Variants in SCN9A observed in about 807,000 individuals in gnomAD.
SCN9A encodes sodium voltage-gated channel alpha subunit 9, also known as sodium channel protein type 9 subunit alpha.
Under a neutral mutation model 187.0 loss-of-function variants are expected in SCN9A, and 131 were observed. The ratio of observed to expected loss-of-function variants is 0.70; its 90% confidence interval spans 0.61 to 0.81. SCN9A has a LOEUF of 0.81. Among genes scored for constraint, SCN9A ranks in the 30% least tolerant of loss-of-function variants. The probability of loss-of-function intolerance (pLI) is 0.00; values close to 1 mark genes in which losing one functional copy is unlikely to be tolerated. For missense variants in SCN9A, 2,252 were observed against 2,396.6 expected, an observed-to-expected ratio of 0.94 and a Z score of 1.26; for synonymous variants, 809 against 808.6, an observed-to-expected ratio of 1.00 and a Z score of -0.01.
At chr2:166,250,889 A>G (rs931972540) in intron 18 of SCN9A, among the ~76,000 whole-genome samples, 16 of 152,058 alleles carry the variant, frequency 1.1e-4, no homozygotes, top group African/African-American at 3.9e-4. Flanking sequence ...CTAGCAAGGA[A>G]AACTTTAAGG....
rs565318120 is a variant in SCN9A at position 166,364,063 on chromosome 2, A to T, written c.-51+11634T>A. On this transcript the variant is annotated intron_variant, in intron 1 of 26. Transcript: ENST00000642356. Reference sequence around the variant, plus strand: ...GACATTTTTCCAAAGAAAGTCAATCAGTACATGGGAAGATGCTCAACATCA... The same window carrying T: ...GACATTTTTCCAAAGAAAGTCAATCTGTACATGGGAAGATGCTCAACATCA... 2.0e-5 allele frequency among the ~76,000 whole-genome samples: 3 copies of T among 152,182 alleles called. No homozygotes were observed. In the South Asian group the frequency reaches 6.2e-4, roughly 32 times the overall value.
rs970261148 is a variant in SCN9A, at chr2:166,227,703, C to T, written c.4227G>A (p.Thr1409=). The T allele has an allele frequency of 3.3e-6, 5 of 1,519,340 alleles. No individual in the cohort carries two copies. The highest frequency in any genetic ancestry group is 2.8e-5 in the African/African-American group (2 of 72,692). The allele number at this position is 1,519,340 out of a possible 1,614,324, so 94.1% of individuals were successfully genotyped here. ...AATCCACTGCTGCATACATAATAAT[C>T]GTCCATCCCTTAAAAGTTGCCTTTA... ...LLQVATFKGW[T]IIMYAAVDSV... is the part of the protein sequence containing the mutation. Residue 1409 remains threonine (T), a synonymous_variant, in exon 23 of 27, where the codon ACG becomes ACA. Coordinates refer to ENST00000642356, the MANE Select transcript of SCN9A (RefSeq NM_001365536.1).
chr2:166,255,518 G>A (rs992635443), intron 17 of SCN9A, among the ~76,000 whole-genome samples: 3 of 151,340 alleles, frequency 2.0e-5, no homozygotes, highest in Non-Finnish European at 4.4e-5. Flanking sequence ...TGAGGTAGGA[G>A]TGTCTAATGA....
chr2:166,368,153 T>C (rs1344409379), intron 1 of SCN9A, among the ~76,000 whole-genome samples: 1 of 152,170 alleles, frequency 6.6e-6, no homozygotes, highest in African/African-American at 2.4e-5. Context: ...AAAGGTTAGG[T>C]AATTTCTGAG....
intron 1 of SCN9A, among the ~76,000 whole-genome samples, chr2:166,360,236 GA>G (rs79741845): frequency 0.025 from 1,114 of 43,848 alleles, 18 homozygotes; most frequent in Non-Finnish European, 0.037. Context: ...AAAAAAAAAA[GA>G]AAAAAAAAAA....
At chr2:166,282,851 A>G (rs1697555319) in intron 12 of SCN9A, among the ~76,000 whole-genome samples, 1 of 152,152 alleles carries the variant, frequency 6.6e-6, no homozygotes, top group Admixed American at 6.5e-5. Context: ...AAAAGTCTCG[A>G]AAACCAGGTT....
At chr2:166,350,848 C>A (rs1013339631) in intron 1 of SCN9A, among the ~76,000 whole-genome samples, 2 of 152,124 alleles carry the variant, frequency 1.3e-5, no homozygotes, top group South Asian at 2.1e-4. Flanking sequence ...ATGTGAAGGG[C>A]AGTATATTAT....
At position 166,286,386 on chromosome 2, in the gene SCN9A, C is replaced by T; in HGVS notation, c.1552G>A (p.Val518Ile). The T allele has an allele frequency of 1.9e-6, 3 of 1,613,786 alleles. No individual in the cohort carries two copies. The highest frequency in any genetic ancestry group is 1.1e-5 in the South Asian group (1 of 90,986). Residue 518 changes from valine to isoleucine, a missense_variant, in exon 11 of 27, where the codon GTC becomes ATC. Physicochemically the swap from Val to Ile is conservative, Grantham distance 29. Coordinates refer to ENST00000642356, the MANE Select transcript of SCN9A (RefSeq NM_001365536.1). ...TCATGTGCTCGCCTATGCCCTTCGA[C>T]ACCAAGGTGGAAACTTTTTCTTCTG... ...SIRRKSFHLG[V>I]EGHRRAHEKR...
chr2:166,253,588 T>A (rs1696141936), intron 17 of SCN9A, among the ~76,000 whole-genome samples: 1 of 151,866 alleles, frequency 6.6e-6, no homozygotes, highest in Non-Finnish European at 1.5e-5. Flanking sequence ...AAACTTATAA[T>A]TACTAATATG....
chr2:166,195,261 A>G lies in SCN9A; in HGVS notation c.*3411T>C, dbSNP rs1693213411. 6.6e-6 allele frequency: 1 copy of G among 152,214 alleles called. No individual in the cohort carries two copies. Among genetic ancestry groups the G allele is most frequent in the African/African-American group, 2.4e-5 (1 of 41,454 alleles). 9.4% of individuals were successfully genotyped at this position (152,214 alleles called of 1,614,324 possible). A position where few individuals can be genotyped will look rare whatever the true frequency, so the allele number is the denominator to read the frequency against. ...CAAGTATAACTACAATATAACTACA[A>G]TATAATTTATGGCAAACTCAAACAT... is the stretch of plus-strand genomic sequence containing the variant. On this transcript the variant is annotated 3_prime_UTR_variant, in exon 27 of 27. Coordinates refer to ENST00000642356, the MANE Select transcript of SCN9A (RefSeq NM_001365536.1).
intron 1 of SCN9A, among the ~76,000 whole-genome samples, chr2:166,369,691 G>T (rs529545926): frequency 1.3e-5 from 2 of 152,026 alleles, no homozygotes; most frequent in African/African-American, 4.8e-5. Flanking sequence ...TCAGATAAAG[G>T]CATCACTTAC....
intron 17 of SCN9A, among the ~76,000 whole-genome samples, chr2:166,252,528 T>C (rs1232222559): frequency 6.6e-6 from 1 of 151,850 alleles, no homozygotes; most frequent in Admixed American, 6.6e-5. Flanking sequence ...ACACCACCCA[T>C]TTTGTATATA....
chr2:166,311,536 G>A lies in SCN9A; in HGVS notation c.221C>T (p.Pro74Leu), dbSNP rs201992546. ...ATAGTAGGGGTCCAAGTCCTCCAGG[G>A]GCTCTGACACCATGCCGGGAGGAAT... Reference protein sequence around the residue: ...GDIPPGMVSEPLEDLDPYYAD... With the variant: ...GDIPPGMVSELLEDLDPYYAD... Residue 74 changes from proline to leucine, a missense_variant, in exon 2 of 27, where the codon CCC (proline) becomes CTC (leucine). Pro to Leu is a moderately conservative substitution (Grantham distance 98). Around this residue, in one of 7 missense-constraint regions of SCN9A, gnomAD observed 1,013 missense variants for 997.4 expected, o/e 1.02. Coordinates refer to ENST00000642356, the MANE Select transcript of SCN9A (RefSeq NM_001365536.1). 6.2e-7 allele frequency: 1 copy of A among 1,611,422 alleles called. No individual in the cohort carries two copies. Among genetic ancestry groups the A allele is most frequent in the Non-Finnish European group, 8.5e-7 (1 of 1,178,904 alleles).
At chr2:166,227,821 G>A in intron 22 of SCN9A, 98 bp from the exon 23 acceptor site, 1 of 699,464 alleles carries the variant, frequency 1.4e-6, no homozygotes. Context: ...CAATTATTAA[G>A]TAATACTAGT....
At position 166,375,054 on chromosome 2, in the gene SCN9A, T is replaced by C. The variant is rs74336612; in HGVS notation, c.-51+643A>G. Among the ~76,000 whole-genome samples, 1,285 of 152,308 alleles carry C rather than the reference T, an allele frequency of 8.4e-3. 25 individuals are homozygous for C. The highest frequency in any genetic ancestry group is 0.029 in the African/African-American group (1,211 of 41,558). ...ATATCCATTTTTTCCTAAAAGTAAATGAGTTTCCCAAGTTGAATTCGATAA... is the reference window on the plus strand; with the variant it reads ...ATATCCATTTTTTCCTAAAAGTAAACGAGTTTCCCAAGTTGAATTCGATAA... On this transcript the variant is annotated intron_variant, in intron 1 of 26. Coordinates refer to ENST00000642356, the MANE Select transcript of SCN9A (RefSeq NM_001365536.1).
At chr2:166,209,093 T>G (rs1232806906) in intron 24 of SCN9A, among the ~76,000 whole-genome samples, 4 of 152,148 alleles carry the variant, frequency 2.6e-5, no homozygotes, top group African/African-American at 9.7e-5. Context: ...GACGGTAGAT[T>G]AGCTGTTTGA....
intron 1 of SCN9A, among the ~76,000 whole-genome samples, chr2:166,364,219 G>A (rs893370601): frequency 6.6e-6 from 1 of 151,444 alleles, no homozygotes. Flanking sequence ...TAACCCTTGT[G>A]CATTGCTGAT....
At chr2:166,288,120 TACACACAC>T (rs367909573) in intron 10 of SCN9A, among the ~76,000 whole-genome samples, 1 of 135,560 alleles carries the variant, frequency 7.4e-6, no homozygotes, top group African/African-American at 2.7e-5. Context: ...TATATATATA[TACACACAC>T]ATTTATATGT....
At position 166,199,783 on chromosome 2, in the gene SCN9A, C is replaced by T. The variant is rs142201175; in HGVS notation, c.4856G>A (p.Arg1619Gln). 3 of 1,613,950 alleles carry T rather than the reference C, an allele frequency of 1.9e-6. No homozygotes were observed. Among genetic ancestry groups the T allele is most frequent in the Non-Finnish European group, 2.5e-6 (3 of 1,179,988 alleles). Reference protein sequence around the residue: ...FRVIRLARIGRILRLVKGAKG... With the variant: ...FRVIRLARIGQILRLVKGAKG... ...TGCTCCTTTGACTAGACGTAGGATT[C>T]GGCCAATCCTGGCAAGACGGATCAC... Residue 1619 changes from arginine (R) to glutamine (Q), a missense_variant, in exon 27 of 27, where the codon CGA becomes CAA. Physicochemically the swap from Arg to Gln is conservative, Grantham distance 43. This residue lies in a region of SCN9A where 84 missense variants were observed against 134.2 expected (regional missense o/e 0.63). Transcript: ENST00000642356.
Sources: allele counts gnomAD v4.1 joint callset (sites outside exome capture counted in the v4.1 genomes callset), GRCh38; gene constraint gnomAD v4.1.1; regional missense constraint gnomAD v4.1.1; transcripts MANE v1.5; gene names NCBI Gene and HGNC (gene_info 2026-07-23, HGNC 2026-07-21).